The following MEGF11 variants were observed in gnomAD, a reference collection of about 807,000 sequenced individuals.
The protein encoded by MEGF11 is multiple epidermal growth factor-like domains protein 11.
In MEGF11, 126 loss-of-function variants were observed where a neutral mutation model predicts 146.6. The ratio of observed to expected loss-of-function variants is 0.86; its 90% CI spans 0.74 to 1.00. The LOEUF (loss-of-function observed/expected upper bound fraction) is 1.00, where lower values mean the gene tolerates loss of function less well. MEGF11 is among the 50% of genes least tolerant of loss of function. MEGF11 has a pLI of 0.00. For synonymous variants in MEGF11, 532 were observed against 583.4 expected (o/e 0.91, Z 1.27); for missense variants, 1,509 against 1,521.2 (o/e 0.99, Z 0.13).
intron 1 of MEGF11, among the ~76,000 whole-genome samples, chr15:66,252,126 G>A (rs1035294737): frequency 3.3e-5 from 5 of 152,208 alleles, no homozygotes; most frequent in Non-Finnish European, 5.9e-5. Flanking sequence ...AAGCCGCAGA[G>A]GTCGGCGAAT....
chr15:65,971,006 C>A, intron 7 of MEGF11: 1 of 379,744 alleles, frequency 2.6e-6, no homozygotes, highest in South Asian at 3.1e-5. Flanking sequence ...CCGCTAAGTA[C>A]AAGGCAGTAA....
At chr15:66,097,439 C>T (rs2086601363) in intron 4 of MEGF11, among the ~76,000 whole-genome samples, 1 of 152,188 alleles carries the variant, frequency 6.6e-6, no homozygotes, top group Non-Finnish European at 1.5e-5. Context: ...AGACCACAGA[C>T]CCCCATGCCA....
intron 5 of MEGF11, among the ~76,000 whole-genome samples, chr15:66,048,930 C>T (rs1024484487): frequency 5.2e-4 from 79 of 152,198 alleles, no homozygotes; most frequent in Non-Finnish European, 2.2e-4. Flanking sequence ...TCTCATTTTA[C>T]AGTTGGGGAA....
intron 4 of MEGF11, among the ~76,000 whole-genome samples, chr15:66,117,363 C>T (rs1371268065): frequency 6.6e-6 from 1 of 152,110 alleles, no homozygotes; most frequent in African/African-American, 2.4e-5. Context: ...GTCACCTGGC[C>T]AGAAGGTAGT....
intron 4 of MEGF11, among the ~76,000 whole-genome samples, chr15:66,106,967 G>A (rs1163190892): frequency 6.6e-6 from 1 of 152,140 alleles, no homozygotes; most frequent in Non-Finnish European, 1.5e-5. Flanking sequence ...AGGGTTAACA[G>A]CTAGCCACAC....
intron 5 of MEGF11, among the ~76,000 whole-genome samples, chr15:66,017,163 G>A (rs1020989611): frequency 1.3e-5 from 2 of 152,196 alleles, no homozygotes; most frequent in African/African-American, 4.8e-5. Flanking sequence ...CACAGACCAG[G>A]CCCATGATTA....
chr15:66,202,227 C>T (rs1370908813), intron 1 of MEGF11, among the ~76,000 whole-genome samples: 4 of 77,114 alleles, frequency 5.2e-5, no homozygotes, highest in African/African-American at 1.7e-4. Context: ...ACAATATGTG[C>T]ATATACAACC....
At chr15:66,002,895 G>T (rs1360159233) in intron 5 of MEGF11, among the ~76,000 whole-genome samples, 1 of 152,094 alleles carries the variant, frequency 6.6e-6, no homozygotes, top group Non-Finnish European at 1.5e-5. Context: ...CAGAGGTTTA[G>T]AAAGGGAAAA....
At chr15:66,155,532 A>G (rs576701408) in intron 1 of MEGF11, among the ~76,000 whole-genome samples, 114 of 152,266 alleles carry the variant, frequency 7.5e-4, no homozygotes, top group Non-Finnish European at 1.4e-3. Context: ...ACCACTCCCA[A>G]ACTTATCATT....
At chr15:65,913,651 C>A in intron 20 of MEGF11, 86 bp downstream of exon 20, 1 of 1,236,148 alleles carries the variant, frequency 8.1e-7, no homozygotes, top group Non-Finnish European at 1.2e-6. Context: ...CATTCAGCCA[C>A]AGCAGCCAAC....
At position 65,938,032 on chromosome 15, in the gene MEGF11, G is replaced by A. The variant is rs1036960509; in HGVS notation, c.1288-7089C>T. ...TCTTAACCCAAAGGTGTGAGGAATG[G>A]TAGGAAGGAGGGCCAAAGACGGGGA... is the stretch of plus-strand genomic sequence containing the variant. On this transcript the variant is annotated intron_variant, in intron 10 of 25. Transcript: ENST00000395614. 2.0e-5 allele frequency among the ~76,000 whole-genome samples: 3 copies of A among 152,230 alleles called. No homozygotes were observed. The East Asian group carries it at 5.8e-4, about 29-fold the overall frequency.
intron 3 of MEGF11, among the ~76,000 whole-genome samples, chr15:66,120,454 C>T (rs1409415778): frequency 6.6e-6 from 1 of 152,192 alleles, no homozygotes; most frequent in Non-Finnish European, 1.5e-5. Context: ...GTGGACTCTT[C>T]CTCAGCAGCA....
chr15:66,135,320 T>G (rs1168563093), intron 1 of MEGF11, among the ~76,000 whole-genome samples: 1 of 152,220 alleles, frequency 6.6e-6, no homozygotes, highest in Admixed American at 6.5e-5. Context: ...GGGAGACCCC[T>G]GGATCAGTCT....
intron 5 of MEGF11, among the ~76,000 whole-genome samples, chr15:66,089,836 T>C (rs2086251842): frequency 6.6e-6 from 1 of 152,230 alleles, no homozygotes; most frequent in African/African-American, 2.4e-5. Context: ...GAAAACTTTC[T>C]TCCTTTTTAT....
chr15:66,075,086 C>T (rs150880550), intron 5 of MEGF11, among the ~76,000 whole-genome samples: 3 of 152,296 alleles, frequency 2.0e-5, no homozygotes, highest in African/African-American at 7.2e-5. Flanking sequence ...CAAACTACAG[C>T]TTGCCATTTT....
chr15:66,042,523 G>C lies in MEGF11; in HGVS notation c.394+51879C>G, dbSNP rs554975132. On this transcript the variant is annotated intron_variant, in intron 5 of 25. Transcript: ENST00000395614. ...TTTTTCCAGGGAGCTCAGAGCACTG[G>C]GGGGGAACATATCAGTTTCCCAGCA... 3.7e-4 allele frequency among the ~76,000 whole-genome samples: 57 copies of C among 152,082 alleles called. No homozygotes were observed. In the South Asian group the frequency reaches 7.9e-3, roughly 21 times the overall value.
intron 5 of MEGF11, among the ~76,000 whole-genome samples, chr15:66,049,354 G>A (rs979250953): frequency 6.6e-6 from 1 of 152,192 alleles, no homozygotes; most frequent in African/African-American, 2.4e-5. Flanking sequence ...GGGGAGAGGT[G>A]ACAAAGGAGA....
At chr15:66,163,203 TG>T (rs2090002943) in intron 1 of MEGF11, among the ~76,000 whole-genome samples, 2 of 152,212 alleles carry the variant, frequency 1.3e-5, no homozygotes, top group Admixed American at 1.3e-4. Flanking sequence ...CGCTCCATCC[TG>T]CTTTAATATT....
At chr15:66,193,586 AT>A (rs1455370966) in intron 1 of MEGF11, among the ~76,000 whole-genome samples, 1 of 152,132 alleles carries the variant, frequency 6.6e-6, no homozygotes, top group Non-Finnish European at 1.5e-5. Context: ...CCAAACATAG[AT>A]CAAAAATACA....
Sources: gnomAD v4.1 joint callset for allele counts (sites outside exome capture counted in the v4.1 genomes callset) on GRCh38, gnomAD v4.1.1 for gene constraint, MANE v1.5 for transcripts, NCBI Gene and HGNC (gene_info 2026-07-23, HGNC 2026-07-21) for gene names.